The following EPHB1 variants were observed in gnomAD, a reference collection of about 807,000 sequenced individuals.
EPHB1 encodes the protein EPH receptor B1, also known as ephrin type-B receptor 1.
In EPHB1, 30 loss-of-function variants were observed where a neutral mutation model predicts 94.4. The observed-to-expected ratio is 0.32, with a 90% CI of 0.24 to 0.43. EPHB1 has a LOEUF of 0.43. EPHB1 is among the 20% of genes least tolerant of loss of function. EPHB1 has a pLI of 1.00. For missense variants in EPHB1, 1,055 were observed against 1,308.3 expected (o/e 0.81, Z 2.99); for synonymous variants, 522 against 489.1 (o/e 1.07, Z -0.89).
chr3:134,938,616 T>A (rs1046058182), intron 2 of EPHB1, among the ~76,000 whole-genome samples: 1 of 151,984 alleles, frequency 6.6e-6, no homozygotes, highest in Non-Finnish European at 1.5e-5. Flanking sequence ...AGCATACACA[T>A]CATGGAGGGA....
intron 1 of EPHB1, among the ~76,000 whole-genome samples, chr3:134,910,196 C>T (rs770423332): frequency 8.5e-5 from 13 of 152,290 alleles, no homozygotes; most frequent in Admixed American, 1.3e-4. Flanking sequence ...TTGAGTGTGA[C>T]TGCTCTGGCC....
intron 1 of EPHB1, among the ~76,000 whole-genome samples, chr3:134,862,944 C>T (rs2037298366): frequency 6.6e-6 from 1 of 152,202 alleles, no homozygotes; most frequent in Admixed American, 6.5e-5. Context: ...GAATTTGGGG[C>T]CATCCTCAGT....
intron 4 of EPHB1, among the ~76,000 whole-genome samples, chr3:135,114,537 T>TAAAAAAAA (rs56100882): frequency 4.6e-4 from 17 of 37,200 alleles, no homozygotes; most frequent in South Asian, 1.5e-3. Context: ...CTGTCTCTAC[T>TAAAAAAAA]AAAAAAAAAA....
At chr3:135,047,400 T>C (rs1292355286) in intron 3 of EPHB1, among the ~76,000 whole-genome samples, 1 of 152,232 alleles carries the variant, frequency 6.6e-6, no homozygotes, top group Non-Finnish European at 1.5e-5. Flanking sequence ...CTCTCCAGCC[T>C]GGCTTCTCAG....
At chr3:134,849,371 C>A (rs936015671) in intron 1 of EPHB1, among the ~76,000 whole-genome samples, 2 of 152,110 alleles carry the variant, frequency 1.3e-5, no homozygotes, top group African/African-American at 4.8e-5. Flanking sequence ...AAGAGCAAAG[C>A]CAAGAGGACT....
intron 7 of EPHB1, 63 bp downstream of exon 7, chr3:135,162,243 C>T (rs1434695211): frequency 4.6e-5 from 69 of 1,485,340 alleles, no homozygotes; most frequent in Non-Finnish European, 5.8e-5. Context: ...AAAAGTAGCC[C>T]CAAAGATGCT....
At chr3:134,939,886 A>G (rs1454657344) in intron 2 of EPHB1, among the ~76,000 whole-genome samples, 1 of 152,222 alleles carries the variant, frequency 6.6e-6, no homozygotes, top group Non-Finnish European at 1.5e-5. Context: ...GCAAAATAGC[A>G]GCCTCCCTCA....
chr3:135,064,129 C>A (rs1937550555), intron 3 of EPHB1, among the ~76,000 whole-genome samples: 1 of 152,034 alleles, frequency 6.6e-6, no homozygotes, highest in African/African-American at 2.4e-5. Flanking sequence ...CATGTATGTT[C>A]ATCACGGATA....
At chr3:134,869,765 C>T (rs945675066) in intron 1 of EPHB1, among the ~76,000 whole-genome samples, 1 of 152,134 alleles carries the variant, frequency 6.6e-6, no homozygotes, top group Non-Finnish European at 1.5e-5. Flanking sequence ...TAGCAACTTG[C>T]ATTTGTTGTG....
chr3:134,970,112 A>G (rs1933909334), intron 3 of EPHB1, among the ~76,000 whole-genome samples: 1 of 152,220 alleles, frequency 6.6e-6, no homozygotes, highest in African/African-American at 2.4e-5. Flanking sequence ...TTAAAGTTTG[A>G]TGAAGTCCAG....
intron 1 of EPHB1, among the ~76,000 whole-genome samples, chr3:134,817,903 C>T (rs939310590): frequency 4.6e-5 from 7 of 152,204 alleles, no homozygotes; most frequent in South Asian, 2.1e-4. Flanking sequence ...CAATGACTGG[C>T]GGTCGGGAGA....
chr3:135,054,192 C>T (rs1937281622), intron 3 of EPHB1, among the ~76,000 whole-genome samples: 3 of 151,862 alleles, frequency 2.0e-5, no homozygotes, highest in Admixed American at 2.0e-4. Context: ...AGTTGAAAGC[C>T]TCAAATTAAG....
At chr3:134,992,461 G>A (rs570780964) in intron 3 of EPHB1, among the ~76,000 whole-genome samples, 1 of 152,312 alleles carries the variant, frequency 6.6e-6, no homozygotes, top group South Asian at 2.1e-4. Flanking sequence ...TTCAGTTCTT[G>A]TTTCCTGAGA....
intron 9 of EPHB1, among the ~76,000 whole-genome samples, chr3:135,176,793 C>A (rs1026711681): frequency 6.6e-6 from 1 of 152,132 alleles, no homozygotes; most frequent in African/African-American, 2.4e-5. Flanking sequence ...TTATGTATGT[C>A]TTTACTTGCA....
At chr3:134,859,030 C>G (rs1411036649) in intron 1 of EPHB1, among the ~76,000 whole-genome samples, 1 of 152,192 alleles carries the variant, frequency 6.6e-6, no homozygotes, top group East Asian at 1.9e-4. Flanking sequence ...ATAGTGGGAC[C>G]AAGGGAAGCA....
chr3:135,013,107 G>A (rs1935675761), intron 3 of EPHB1, among the ~76,000 whole-genome samples: 2 of 152,068 alleles, frequency 1.3e-5, no homozygotes, highest in African/African-American at 4.8e-5. Context: ...CACTACTTAC[G>A]AATGGGCCAA....
intron 15 of EPHB1, among the ~76,000 whole-genome samples, chr3:135,249,814 G>C (rs746101067): frequency 2.0e-5 from 3 of 151,384 alleles, no homozygotes; most frequent in Non-Finnish European, 2.9e-5. Flanking sequence ...AAAGAACACA[G>C]CCATCTAGTA....
At chr3:134,845,730 C>G (rs2036860267) in intron 1 of EPHB1, among the ~76,000 whole-genome samples, 1 of 152,106 alleles carries the variant, frequency 6.6e-6, no homozygotes, top group Non-Finnish European at 1.5e-5. Context: ...CATTGCCTCT[C>G]TAGGAGGTAT....
intron 3 of EPHB1, among the ~76,000 whole-genome samples, chr3:135,038,661 T>C (rs951664441): frequency 1.2e-4 from 19 of 152,080 alleles, no homozygotes; most frequent in African/African-American, 4.6e-4. Context: ...CCTTCTGATA[T>C]TCAGATGTGT....
Sources: gnomAD v4.1 joint callset for allele counts (sites outside exome capture counted in the v4.1 genomes callset) on GRCh38, gnomAD v4.1.1 for gene constraint, MANE v1.5 for transcripts, NCBI Gene and HGNC (gene_info 2026-07-23, HGNC 2026-07-21) for gene names.